The following COL25A1 variants were observed in gnomAD, a reference collection of about 807,000 sequenced individuals.
The protein encoded by COL25A1 is collagen type XXV alpha 1 chain, also known as collagen alpha-1(XXV) chain.
COL25A1 carries 103 observed loss-of-function variants against 128.4 expected under a neutral mutation model. The observed-to-expected ratio is 0.80, with a 90% CI of 0.68 to 0.94. COL25A1 has a LOEUF of 0.94. Ranked by LOEUF, COL25A1 falls within the 40% of genes least tolerant of loss-of-function variation. The probability of loss-of-function intolerance (pLI) is 0.00; values close to 1 mark genes in which losing one functional copy is unlikely to be tolerated. For synonymous variants in COL25A1, 279 were observed against 277.2 expected, an observed-to-expected ratio of 1.01 and a Z score of -0.06; for missense variants, 745 against 840.0, an observed-to-expected ratio of 0.89 and a Z score of 1.40.
At chr4:109,001,659 G>A (rs1042449128) in intron 6 of COL25A1, among the ~76,000 whole-genome samples, 6 of 152,142 alleles carry the variant, frequency 3.9e-5, no homozygotes, top group African/African-American at 1.2e-4. Flanking sequence ...ATGACTCTAG[G>A]ACCATTCTTA....
At chr4:109,189,865 T>C (rs1402919588) in intron 3 of COL25A1, among the ~76,000 whole-genome samples, 2 of 152,204 alleles carry the variant, frequency 1.3e-5, no homozygotes, top group Non-Finnish European at 2.9e-5. Flanking sequence ...AGAGCTTTTT[T>C]ACATTAAGTT....
At chr4:109,211,120 T>C (rs866891189) in intron 3 of COL25A1, among the ~76,000 whole-genome samples, 5 of 151,390 alleles carry the variant, frequency 3.3e-5, no homozygotes, top group Admixed American at 2.6e-4. Context: ...CCAAATCCCC[T>C]GTGACACACC....
chr4:109,191,090 A>G (rs1471452716), intron 3 of COL25A1, among the ~76,000 whole-genome samples: 1 of 152,228 alleles, frequency 6.6e-6, no homozygotes, highest in Non-Finnish European at 1.5e-5. Flanking sequence ...ATACCAGATC[A>G]CTATTCCGAA....
At chr4:108,839,208 T>C (rs111770890) in intron 31 of COL25A1, among the ~76,000 whole-genome samples, 621 of 152,280 alleles carry the variant, frequency 4.1e-3, no homozygotes, top group Middle Eastern at 0.01. Context: ...ACCCAGTCCA[T>C]GGTAACACAG....
chr4:109,061,887 ATCTATCAC>A (rs999825273), intron 3 of COL25A1, among the ~76,000 whole-genome samples: 90 of 152,320 alleles, frequency 5.9e-4, no homozygotes, highest in African/African-American at 2.1e-3. Context: ...CTGCTGCTAT[ATCTATCAC>A]ACAGCAAGTA....
At position 109,254,527 on chromosome 4, in the gene COL25A1, A is replaced by G. The variant is rs1469681551; in HGVS notation, c.367+46056T>C. ...TATATGTATGTGTGTATATACATATACATATATATCTGTTCATGTGTAATA... is the reference window on the plus strand; with the variant it reads ...TATATGTATGTGTGTATATACATATGCATATATATCTGTTCATGTGTAATA... On this transcript the variant is annotated intron_variant, in intron 3 of 37. Coordinates refer to ENST00000399132, the MANE Select transcript of COL25A1 (RefSeq NM_198721.4). Among the ~76,000 whole-genome samples the G allele has an allele frequency of 1.7e-5, 2 of 120,478 alleles. 1 individual carries two copies. Among genetic ancestry groups the G allele is most frequent in the African/African-American group, 6.2e-5 (2 of 32,188 alleles). 79.0% of individuals were successfully genotyped at this position (120,478 alleles called of 152,430 possible).
intron 3 of COL25A1, among the ~76,000 whole-genome samples, chr4:109,247,700 T>C (rs1780366700): frequency 6.6e-6 from 1 of 151,970 alleles, no homozygotes; most frequent in Non-Finnish European, 1.5e-5. Context: ...AGGTGGGAAG[T>C]AAAACTAAGG....
intron 3 of COL25A1, among the ~76,000 whole-genome samples, chr4:109,136,996 T>C (rs1769841749): frequency 6.6e-6 from 1 of 152,232 alleles, no homozygotes; most frequent in South Asian, 2.1e-4. Context: ...ACTGCAGCCC[T>C]GGTTGACACC....
chr4:108,909,810 C>T (rs1743997772), intron 13 of COL25A1, among the ~76,000 whole-genome samples: 1 of 152,188 alleles, frequency 6.6e-6, no homozygotes. Context: ...CCATTCCACT[C>T]CCTGCCTGAT....
intron 8 of COL25A1, among the ~76,000 whole-genome samples, chr4:108,948,569 T>C (rs1198587205): frequency 6.6e-6 from 1 of 152,154 alleles, no homozygotes; most frequent in African/African-American, 2.4e-5. Flanking sequence ...AAATGATAAG[T>C]GTAAATTTTA....
intron 3 of COL25A1, among the ~76,000 whole-genome samples, chr4:109,247,328 C>T (rs147833225): frequency 0.012 from 1,830 of 150,284 alleles, 21 homozygotes; most frequent in Non-Finnish European, 0.018. Flanking sequence ...CCAGCCTGGG[C>T]GACAGAGCAA....
chr4:109,005,265 T>A lies in COL25A1; in HGVS notation c.438+5093A>T, dbSNP rs114049761. Among the ~76,000 whole-genome samples the A allele has an allele frequency of 3.2e-3, 490 of 152,196 alleles. 3 individuals are homozygous for A. Among genetic ancestry groups the A allele is most frequent in the African/African-American group, 0.012 (482 of 41,522 alleles). On this transcript the variant is annotated intron_variant, in intron 6 of 37. Coordinates refer to ENST00000399132, the MANE Select transcript of COL25A1 (RefSeq NM_198721.4). ...CACACATTTTTAAACAACTAGATCT[T>A]ATGAGAACTAGTCAGAAGAACAGCA...
chr4:109,227,064 A>G (rs1397427480), intron 3 of COL25A1, among the ~76,000 whole-genome samples: 1 of 152,210 alleles, frequency 6.6e-6, no homozygotes, highest in Non-Finnish European at 1.5e-5. Context: ...ATTGATCACA[A>G]ACTGTGACAG....
intron 22 of COL25A1, among the ~76,000 whole-genome samples, chr4:108,861,993 C>A (rs543556407): frequency 6.6e-6 from 1 of 152,184 alleles, no homozygotes; most frequent in East Asian, 1.9e-4. Flanking sequence ...TTTTTTTCCA[C>A]ATTAGTAGCT....
chr4:108,844,416 T>A, intron 30 of COL25A1, 103 bp downstream of exon 30: 1 of 1,585,914 alleles, frequency 6.3e-7, no homozygotes, highest in East Asian at 2.3e-5. Flanking sequence ...CCACAGAGAG[T>A]AGTACAAAAT....
intron 3 of COL25A1, among the ~76,000 whole-genome samples, chr4:109,222,864 T>C (rs929721711): frequency 6.6e-6 from 1 of 152,240 alleles, no homozygotes; most frequent in Admixed American, 6.5e-5. Context: ...TAACTCTGTC[T>C]TGTATATATC....
intron 8 of COL25A1, among the ~76,000 whole-genome samples, chr4:108,943,836 A>AAC (rs1748425350): frequency 6.6e-6 from 1 of 151,824 alleles, no homozygotes; most frequent in Admixed American, 6.6e-5. Context: ...AAAAAAAAAA[A>AAC]ACACAGAACA....
At chr4:109,202,997 T>TAA (rs11409156) in intron 3 of COL25A1, among the ~76,000 whole-genome samples, 2 of 151,262 alleles carry the variant, frequency 1.3e-5, no homozygotes, top group African/African-American at 4.9e-5. Flanking sequence ...TAAAGGGGTG[T>TAA]AAAAAAAATC....
chr4:108,830,123 A>C (rs1732903845), intron 32 of COL25A1, among the ~76,000 whole-genome samples: 2 of 152,242 alleles, frequency 1.3e-5, no homozygotes, highest in Admixed American at 1.3e-4. Flanking sequence ...TTCGAGCTTG[A>C]AAACTTTTAG....
Sources: gnomAD v4.1 joint callset for allele counts (sites outside exome capture counted in the v4.1 genomes callset) on GRCh38, gnomAD v4.1.1 for gene constraint, MANE v1.5 for transcripts, NCBI Gene and HGNC (gene_info 2026-07-23, HGNC 2026-07-21) for gene names.